NR5A2: variants seen among roughly 807,000 people sequenced by gnomAD.
NR5A2 encodes the protein CYP7A promoter-binding factor.
NR5A2 carries 26 observed loss-of-function variants against 62.7 expected under a neutral mutation model. That is an observed-to-expected ratio of 0.41 (90% CI 0.30 to 0.58). NR5A2 has a LOEUF of 0.58. NR5A2 is among the 20% of genes least tolerant of loss of function. NR5A2 has a pLI of 0.22. For synonymous variants in NR5A2, 246 were observed against 241.7 expected, an observed-to-expected ratio of 1.02 and a Z score of -0.16; for missense variants, 541 against 669.1, an observed-to-expected ratio of 0.81 and a Z score of 2.11.
At chr1:200,059,164 A>G (rs1340602246) in intron 5 of NR5A2, among the ~76,000 whole-genome samples, 1 of 152,120 alleles carries the variant, frequency 6.6e-6, no homozygotes, top group African/African-American at 2.4e-5. Context: ...TGAAGACAAA[A>G]TAATTCAGTA....
rs551682914 is a variant in NR5A2, at chr1:200,121,018, A to G, written c.1378+63A>G. ...ATTGCTAAATGATGTTGAAGTTCAA[A>G]TATCTTGTGGTCCATGTATGTTTTT... is the stretch of plus-strand genomic sequence containing the variant. On this transcript the variant is annotated intron_variant, in intron 7 of 7. Transcript: ENST00000367362. 3.4e-4 allele frequency: 541 copies of G among 1,570,862 alleles called. 5 individuals carry two copies. In the South Asian group the frequency reaches 4.0e-3, roughly 12 times the overall value.
chr1:200,092,985 G>T (rs1012828214), intron 5 of NR5A2, among the ~76,000 whole-genome samples: 1 of 142,682 alleles, frequency 7.0e-6, no homozygotes, highest in African/African-American at 2.6e-5. Context: ...CCAGGTTCAA[G>T]CGATTCTCCT....
chr1:200,133,607 A>G (rs573031217), intron 7 of NR5A2, among the ~76,000 whole-genome samples: 188 of 97,122 alleles, frequency 1.9e-3, no homozygotes, highest in African/African-American at 7.0e-3. Context: ...ATATACACAT[A>G]TATACACACA....
chr1:200,129,366 T>C (rs1666863651), intron 7 of NR5A2, among the ~76,000 whole-genome samples: 3 of 151,822 alleles, frequency 2.0e-5, no homozygotes, highest in Admixed American at 1.3e-4. Flanking sequence ...CAGAGATTTG[T>C]AGGAATAGCA....
At chr1:200,152,442 G>A (rs573881063) in intron 7 of NR5A2, among the ~76,000 whole-genome samples, 10 of 152,020 alleles carry the variant, frequency 6.6e-5, no homozygotes, top group Non-Finnish European at 1.2e-4. Context: ...TTAGCAAGAA[G>A]GCAAAAACGT....
At chr1:200,116,020 G>C (rs1033837753) in intron 6 of NR5A2, among the ~76,000 whole-genome samples, 1 of 151,854 alleles carries the variant, frequency 6.6e-6, no homozygotes, top group African/African-American at 2.4e-5. Context: ...TTTACTTACA[G>C]TATTTTCTCA....
chr1:200,028,371 C>T (rs1197050833), intron 1 of NR5A2, among the ~76,000 whole-genome samples: 5 of 140,884 alleles, frequency 3.5e-5, no homozygotes, highest in Non-Finnish European at 7.5e-5. Flanking sequence ...CTGCTTATAC[C>T]GTAAAAAATT....
chr1:200,094,179 T>A lies in NR5A2; in HGVS notation c.1111-17023T>A, dbSNP rs12071095. Among the ~76,000 whole-genome samples the A allele has an allele frequency of 9.7e-4, 123 of 127,006 alleles. 2 individuals are homozygous for A. In the East Asian group the frequency reaches 0.021, roughly 21 times the overall value. 83.3% of individuals were successfully genotyped at this position (127,006 alleles called of 152,430 possible). A position where few individuals can be genotyped will look rare whatever the true frequency, so the allele number is the denominator to read the frequency against. Reference sequence around the variant, plus strand: ...GTGAGACGCTGTCTCAAAAAAAAAATTGGTTTTTTTTTTTCTTTTTTTGGA... The same window carrying A: ...GTGAGACGCTGTCTCAAAAAAAAAAATGGTTTTTTTTTTTCTTTTTTTGGA... On this transcript the variant is annotated intron_variant, in intron 5 of 7. Coordinates refer to ENST00000367362, the MANE Select transcript of NR5A2 (RefSeq NM_205860.3).
chr1:200,034,914 C>A (rs921305210), intron 1 of NR5A2, among the ~76,000 whole-genome samples: 2 of 150,610 alleles, frequency 1.3e-5, no homozygotes, highest in Non-Finnish European at 2.9e-5. Context: ...GAAATTTAAC[C>A]CGTCTGTTTC....
chr1:200,146,212 T>C (rs1316173982), intron 7 of NR5A2, among the ~76,000 whole-genome samples: 1 of 152,056 alleles, frequency 6.6e-6, no homozygotes, highest in African/African-American at 2.4e-5. Flanking sequence ...CACCTGTGAG[T>C]TTTGCATTGG....
At chr1:200,059,645 A>G (rs1431291224) in intron 5 of NR5A2, among the ~76,000 whole-genome samples, 1 of 152,146 alleles carries the variant, frequency 6.6e-6, no homozygotes, top group Non-Finnish European at 1.5e-5. Flanking sequence ...ACACATGCAC[A>G]CAAACACACA....
chr1:200,055,178 C>G (rs1283584050), intron 5 of NR5A2, among the ~76,000 whole-genome samples: 1 of 151,544 alleles, frequency 6.6e-6, no homozygotes, highest in Non-Finnish European at 1.5e-5. Context: ...TAAGGCATAA[C>G]CCACTGTGCC....
At chr1:200,088,068 TTTTG>T (rs1246357634) in intron 5 of NR5A2, among the ~76,000 whole-genome samples, 8 of 151,898 alleles carry the variant, frequency 5.3e-5, no homozygotes, top group Non-Finnish European at 7.4e-5. Flanking sequence ...AACATTTTAA[TTTTG>T]TTTGTTTATT....
rs150294873 is a variant in NR5A2, at chr1:200,060,642, A to C, written c.1110+11824A>C. On this transcript the variant is annotated intron_variant, in intron 5 of 7. Transcript: ENST00000367362. ...CAAGGCTGTTCTACTTCAGTCTTTT[A>C]ACCATGTATCCACACAGTCCCAGAG... 1.3e-4 allele frequency among the ~76,000 whole-genome samples: 20 copies of C among 152,286 alleles called. No individual in the cohort carries two copies. The East Asian group carries it at 3.3e-3, about 25-fold the overall frequency.
intron 6 of NR5A2, among the ~76,000 whole-genome samples, chr1:200,115,516 G>T (rs1666174560): frequency 6.6e-6 from 1 of 152,158 alleles, no homozygotes; most frequent in Non-Finnish European, 1.5e-5. Context: ...TCACTTGTAG[G>T]AGATAAATAC....
Position 200,174,959 on chromosome 1 carries a change from GTTAA to G in NR5A2, c.*755_*758del, listed in dbSNP as rs1036180385. The G allele has an allele frequency of 7.2e-5, 11 of 152,654 alleles. No homozygotes were observed. The highest frequency in any genetic ancestry group is 2.4e-4 in the African/African-American group (10 of 41,458). The allele number at this position is 152,654 out of a possible 1,614,324, so 9.5% of individuals were successfully genotyped here. A position where few individuals can be genotyped will look rare whatever the true frequency, so the allele number is the denominator to read the frequency against. On this transcript the variant is annotated 3_prime_UTR_variant, in exon 8 of 8. Transcript: ENST00000367362. ...GCAGTATCCCTCATCTTATGTAAGT[GTTAA>G]TTAATATTAAGGGAAATGACTACAA...
At chr1:200,139,429 T>G (rs983834340) in intron 7 of NR5A2, among the ~76,000 whole-genome samples, 1 of 152,212 alleles carries the variant, frequency 6.6e-6, no homozygotes, top group African/African-American at 2.4e-5. Context: ...CTTATTTCAG[T>G]CTTTTATAGG....
At chr1:200,126,035 A>G (rs1386897497) in intron 7 of NR5A2, among the ~76,000 whole-genome samples, 2 of 152,054 alleles carry the variant, frequency 1.3e-5, no homozygotes, top group African/African-American at 4.8e-5. Flanking sequence ...TTTTATAGAG[A>G]CAGGGTCTCA....
Position 200,039,685 on chromosome 1 carries a change from C to T in NR5A2, c.92C>T (p.Ser31Phe), listed in dbSNP as rs756380591. Residue 31 changes from serine (S) to phenylalanine (F), a missense_variant, in exon 2 of 8, where the codon TCC (serine) becomes TTC (phenylalanine). By Grantham distance (155) the Ser-to-Phe change is radical. Around this residue, in one of 3 missense-constraint regions of NR5A2, gnomAD observed 108 missense variants for 103.3 expected, o/e 1.05. Transcript: ENST00000367362. This position sits in a 1 kb window ranked among gnomAD's most constrained non-coding sequence, Gnocchi z 5.1. Reference sequence around the variant, plus strand: ...GCTGGGCTTCCGGACCGACACGGATCCCCCATCCCCGCCCGCGGTCGCCTT... The same window carrying T: ...GCTGGGCTTCCGGACCGACACGGATTCCCCATCCCCGCCCGCGGTCGCCTT... ...IGAGLPDRHG[S>F]PIPARGRLVM... 6 of 1,610,136 alleles carry T rather than the reference C, an allele frequency of 3.7e-6. No homozygotes were observed. The highest frequency in any genetic ancestry group is 5.1e-6 in the Non-Finnish European group (6 of 1,178,576).
Sources: allele counts gnomAD v4.1 joint callset (sites outside exome capture counted in the v4.1 genomes callset), GRCh38; gene constraint gnomAD v4.1.1; regional missense constraint gnomAD v4.1.1; non-coding constraint Gnocchi (gnomAD v3.1); transcripts MANE v1.5; gene names NCBI Gene and HGNC (gene_info 2026-07-23, HGNC 2026-07-21).